The following STX7 variants were observed in gnomAD, a reference collection of about 807,000 sequenced individuals.
The protein encoded by STX7 is syntaxin 7, also known as syntaxin-7.
In STX7, 34 loss-of-function variants were observed where a neutral mutation model predicts 39.6. The ratio of observed to expected loss-of-function variants is 0.86; its 90% CI spans 0.65 to 1.14. STX7 has a LOEUF of 1.14. STX7 is among the 50% of genes most tolerant of loss of function. STX7 has a pLI of 0.00. For synonymous variants in STX7, 119 were observed against 99.1 expected, an observed-to-expected ratio of 1.20 and a Z score of -1.19; for missense variants, 284 against 310.4, an observed-to-expected ratio of 0.92 and a Z score of 0.64.
At chr6:132,499,449 T>A (rs1775497548) in intron 2 of STX7, among the ~76,000 whole-genome samples, 6 of 121,666 alleles carry the variant, frequency 4.9e-5, no homozygotes, top group Admixed American at 3.1e-4. Flanking sequence ...AGTGGGTGCT[T>A]CTCCTTCCCT....
At chr6:132,501,123 G>C (rs1319806305) in intron 2 of STX7, among the ~76,000 whole-genome samples, 1 of 150,976 alleles carries the variant, frequency 6.6e-6, no homozygotes, top group African/African-American at 2.4e-5. Context: ...TCAATGGCGT[G>C]ATCACTGCAA....
chr6:132,498,789 C>T (rs1371784573), intron 2 of STX7, among the ~76,000 whole-genome samples: 1 of 152,060 alleles, frequency 6.6e-6, no homozygotes. Flanking sequence ...TCTGCATAGC[C>T]CTTATCAGTA....
At chr6:132,483,156 T>G (rs1775052096) in intron 2 of STX7, among the ~76,000 whole-genome samples, 1 of 152,138 alleles carries the variant, frequency 6.6e-6, no homozygotes, top group Non-Finnish European at 1.5e-5. Flanking sequence ...GTTCCATGCC[T>G]CCCTCCATCC....
chr6:132,460,964 T>C (rs1262673288), intron 9 of STX7, 114 bp from the exon 10 acceptor site: 8 of 763,050 alleles, frequency 1.0e-5, no homozygotes, highest in East Asian at 5.6e-5. Flanking sequence ...TCAGTAGTAG[T>C]ATATTGCCCT....
chr6:132,464,587 C>T (rs906756268), intron 8 of STX7, among the ~76,000 whole-genome samples: 6 of 152,100 alleles, frequency 3.9e-5, no homozygotes, highest in Non-Finnish European at 8.8e-5. Flanking sequence ...AAACTTGATC[C>T]CTTAATCATT....
chr6:132,448,019 T>G lies in STX7; in HGVS notation c.*12739A>C, dbSNP rs1774055193. 1 of 152,170 alleles carries G rather than the reference T, an allele frequency of 6.6e-6. No individual in the cohort carries two copies. Among genetic ancestry groups the G allele is most frequent in the Admixed American group, 6.6e-5 (1 of 15,264 alleles). 9.4% of individuals were successfully genotyped at this position (152,170 alleles called of 1,614,324 possible). The stretch of plus-strand genomic sequence containing the variant: ...TACTGGTTTGAAAGTTATATTGTAT[T>G]GCTATTCTTTAAAGGTTATCTGAAA... On this transcript the variant is annotated 3_prime_UTR_variant, in exon 10 of 10. Transcript: ENST00000367941.
chr6:132,467,910 T>C (rs1249965730), intron 8 of STX7, among the ~76,000 whole-genome samples: 1 of 152,202 alleles, frequency 6.6e-6, no homozygotes, highest in East Asian at 1.9e-4. Flanking sequence ...CTAAAAAGAA[T>C]TCCTAACTTC....
At position 132,456,587 on chromosome 6, in the gene STX7, G is replaced by A. The variant is rs1774249687; in HGVS notation, c.*4171C>T. 6.6e-6 allele frequency: 1 copy of A among 152,110 alleles called. No individual in the cohort carries two copies. The highest frequency in any genetic ancestry group is 6.5e-5 in the Admixed American group (1 of 15,280). The allele number at this position is 152,110 out of a possible 1,614,324, so 9.4% of individuals were successfully genotyped here. Reference sequence around the variant, plus strand: ...GGAAGGAAACTGTGTTAAGTCCTGGGGCCCCAGAAGCTTAGTATATGTATT... The same window carrying A: ...GGAAGGAAACTGTGTTAAGTCCTGGAGCCCCAGAAGCTTAGTATATGTATT... On this transcript the variant is annotated 3_prime_UTR_variant, in exon 10 of 10. Coordinates refer to ENST00000367941, the MANE Select transcript of STX7 (RefSeq NM_003569.3).
intron 2 of STX7, among the ~76,000 whole-genome samples, chr6:132,479,744 T>C (rs964910560): frequency 1.3e-5 from 2 of 152,182 alleles, no homozygotes; most frequent in African/African-American, 4.8e-5. Flanking sequence ...AATAGCAATC[T>C]CATGTTATAC....
chr6:132,481,405 T>C (rs1775013298), intron 2 of STX7, among the ~76,000 whole-genome samples: 1 of 152,184 alleles, frequency 6.6e-6, no homozygotes, highest in Admixed American at 6.5e-5. Context: ...TTCATTATCA[T>C]ACAGGTGATT....
intron 1 of STX7, among the ~76,000 whole-genome samples, chr6:132,508,795 A>C (rs1775770273): frequency 6.6e-6 from 1 of 152,182 alleles, no homozygotes; most frequent in Non-Finnish European, 1.5e-5. Flanking sequence ...TACAGGTTTG[A>C]GCCACTGTAT....
At chr6:132,490,577 T>TA (rs1775254677) in intron 2 of STX7, among the ~76,000 whole-genome samples, 1 of 152,156 alleles carries the variant, frequency 6.6e-6, no homozygotes, top group Non-Finnish European at 1.5e-5. Flanking sequence ...AACGTGTACA[T>TA]ACGGCCAAAA....
At position 132,446,161 on chromosome 6, in the gene STX7, C is replaced by T. The variant is rs578077714; in HGVS notation, c.*14597G>A. ...AAGGTTATGCTTATTAGCTGGGATT[C>T]GAAGCTCAATAGCAACACTGTTCAT... is the stretch of plus-strand genomic sequence containing the variant. On this transcript the variant is annotated 3_prime_UTR_variant, in exon 10 of 10. Transcript: ENST00000367941. 7 of 152,260 alleles carry T rather than the reference C, an allele frequency of 4.6e-5. No individual in the cohort carries two copies. Among genetic ancestry groups the T allele is most frequent in the South Asian group, 2.1e-4 (1 of 4,828 alleles). The allele number at this position is 152,260 out of a possible 1,614,324, so 9.4% of individuals were successfully genotyped here. A position where few individuals can be genotyped will look rare whatever the true frequency, so the allele number is the denominator to read the frequency against.
chr6:132,454,612 A>T lies in STX7; in HGVS notation c.*6146T>A, dbSNP rs1468921970. The T allele has an allele frequency of 6.6e-6, 1 of 152,204 alleles. No individual in the cohort carries two copies. Among genetic ancestry groups the T allele is most frequent in the Non-Finnish European group, 1.5e-5 (1 of 68,028 alleles). 9.4% of individuals were successfully genotyped at this position (152,204 alleles called of 1,614,324 possible). A position where few individuals can be genotyped will look rare whatever the true frequency, so the allele number is the denominator to read the frequency against. Reference sequence around the variant, plus strand: ...TGTCCATACCATTCCAAAGGAAAGTATTGGTCACATACTCCATTCTAGATT... The same window carrying T: ...TGTCCATACCATTCCAAAGGAAAGTTTTGGTCACATACTCCATTCTAGATT... On this transcript the variant is annotated 3_prime_UTR_variant, in exon 10 of 10. Coordinates refer to ENST00000367941, the MANE Select transcript of STX7 (RefSeq NM_003569.3).
intron 2 of STX7, among the ~76,000 whole-genome samples, chr6:132,495,411 C>T (rs1582675764): frequency 6.6e-6 from 1 of 152,122 alleles, no homozygotes; most frequent in Admixed American, 6.5e-5. Context: ...AACCATCCAA[C>T]CACATTTTCA....
At chr6:132,494,991 G>T (rs1775388147) in intron 2 of STX7, among the ~76,000 whole-genome samples, 1 of 152,116 alleles carries the variant, frequency 6.6e-6, no homozygotes, top group South Asian at 2.1e-4. Context: ...GATCTGACCG[G>T]TAGAACCACT....
At chr6:132,509,459 T>TAAA (rs371543335) in intron 1 of STX7, among the ~76,000 whole-genome samples, 236 of 2,978 alleles carry the variant, frequency 0.079, 19 homozygotes, top group African/African-American at 0.15. Context: ...CAAAATAACA[T>TAAA]AACATAACAT....
chr6:132,509,793 A>G (rs13209644), intron 1 of STX7, among the ~76,000 whole-genome samples: 15 of 152,216 alleles, frequency 9.9e-5, no homozygotes, highest in Middle Eastern at 3.2e-3. Flanking sequence ...GCATAGACAG[A>G]CAGGATAGGT....
intron 5 of STX7, among the ~76,000 whole-genome samples, chr6:132,470,828 T>G (rs1238677090): frequency 1.1e-5 from 1 of 89,336 alleles, no homozygotes. Context: ...AATAATATAA[T>G]TATAAGTAAT....
Sources: gnomAD v4.1 joint callset for allele counts (sites outside exome capture counted in the v4.1 genomes callset) on GRCh38, gnomAD v4.1.1 for gene constraint, MANE v1.5 for transcripts, NCBI Gene and HGNC (gene_info 2026-07-23, HGNC 2026-07-21) for gene names.